The following MCC variants were observed in gnomAD, a reference collection of about 807,000 sequenced individuals.
MCC encodes MCC regulator of Wnt signaling pathway.
MCC carries 90 observed loss-of-function variants against 116.2 expected under a neutral mutation model. The ratio of observed to expected loss-of-function variants is 0.77; its 90% CI spans 0.65 to 0.92. The LOEUF (loss-of-function observed/expected upper bound fraction) is 0.92. Ranked by LOEUF, MCC falls within the 40% of genes least tolerant of loss-of-function variation. The probability of loss-of-function intolerance (pLI) is 0.00; values close to 1 mark genes in which losing one functional copy is unlikely to be tolerated. For synonymous variants in MCC, 578 were observed against 510.5 expected, an observed-to-expected ratio of 1.13 and a Z score of -1.78; for missense variants, 1,516 against 1,312.2, an observed-to-expected ratio of 1.16 and a Z score of -2.40.
chr5:113,023,973 A>G lies in MCC; in HGVS notation c.*3329T>C, dbSNP rs1750347361. 1 of 152,222 alleles carries G rather than the reference A, an allele frequency of 6.6e-6. No individual in the cohort carries two copies. The highest frequency in any genetic ancestry group is 2.1e-4 in the South Asian group (1 of 4,834). 9.4% of individuals were successfully genotyped at this position (152,222 alleles called of 1,614,324 possible). ...ACGGTGCACTTTTTTCTCATTTAAA[A>G]TAATCTAATCTGTATCCAGTTAGGA... On this transcript the variant is annotated 3_prime_UTR_variant, in exon 19 of 19. Transcript: ENST00000408903.
chr5:113,298,132 C>T (rs1766759683), intron 3 of MCC, among the ~76,000 whole-genome samples: 1 of 152,058 alleles, frequency 6.6e-6, no homozygotes, highest in Non-Finnish European at 1.5e-5. Context: ...GAAGAGAGGA[C>T]AGTGAAAAGA....
chr5:113,213,919 G>A (rs1185610660), intron 3 of MCC, among the ~76,000 whole-genome samples: 2 of 152,074 alleles, frequency 1.3e-5, no homozygotes, highest in South Asian at 2.1e-4. Flanking sequence ...TCCCTGCAGG[G>A]TGCATCATTT....
chr5:113,407,765 T>A (rs111631042), intron 1 of MCC, among the ~76,000 whole-genome samples: 1,585 of 152,228 alleles, frequency 0.01, 17 homozygotes, highest in Non-Finnish European at 0.018. Context: ...CCGCATACAT[T>A]AGCTATTTGT....
chr5:113,043,640 G>A lies in MCC; in HGVS notation c.2656-10C>T. The A allele has an allele frequency of 1.9e-6, 3 of 1,595,638 alleles. No homozygotes were observed. The highest frequency in any genetic ancestry group is 1.7e-5 in the Admixed American group (1 of 59,860). On this transcript the variant is annotated splice_polypyrimidine_tract_variant and intron_variant, in intron 16 of 18. Coordinates refer to ENST00000408903, the MANE Select transcript of MCC (RefSeq NM_001085377.2). ...CAGCATCAGCACACTCCTGACAACA[G>A]CAAACACATTCCAGTTAGGCCTGAA...
intron 2 of MCC, among the ~76,000 whole-genome samples, chr5:113,370,572 C>T (rs555667274): frequency 6.6e-6 from 1 of 152,310 alleles, no homozygotes; most frequent in South Asian, 2.1e-4. Flanking sequence ...GAAGCCATCT[C>T]CTCCTCTACT....
intron 2 of MCC, among the ~76,000 whole-genome samples, chr5:113,359,200 A>G (rs1449804068): frequency 6.6e-6 from 1 of 152,182 alleles, no homozygotes; most frequent in African/African-American, 2.4e-5. Flanking sequence ...CGGAATTTCA[A>G]TGTAACATTG....
chr5:113,477,042 A>C (rs1321578145), intron 1 of MCC, among the ~76,000 whole-genome samples: 1 of 152,224 alleles, frequency 6.6e-6, no homozygotes, highest in Non-Finnish European at 1.5e-5. Context: ...AGCAAATAAC[A>C]ATAATTCTGA....
intron 3 of MCC, among the ~76,000 whole-genome samples, chr5:113,224,186 C>A (rs1054528525): frequency 6.6e-6 from 1 of 152,112 alleles, no homozygotes; most frequent in Non-Finnish European, 1.5e-5. Context: ...CCTCCGCCTC[C>A]CAGGTTCAAG....
In MCC at chr5:113,052,754, G is replaced by A. The variant is rs370169236; in HGVS notation, c.2448+971C>T. On this transcript the variant is annotated intron_variant, in intron 15 of 18. Transcript: ENST00000408903. ...GCTTGCTAGACTCCAGTTCCTGACC[G>A]GTCCTAAACTCAATCTCTGGCTCTC... Among the ~76,000 whole-genome samples the A allele has an allele frequency of 5.0e-4, 76 of 152,230 alleles. No homozygotes were observed. The South Asian group carries it at 6.0e-3, about 12-fold the overall frequency.
At position 113,344,027 on chromosome 5, in the gene MCC, C is replaced by G. The variant is rs568454788; in HGVS notation, c.416-3297G>C. On this transcript the variant is annotated intron_variant, in intron 2 of 18. Coordinates refer to ENST00000408903, the MANE Select transcript of MCC (RefSeq NM_001085377.2). ...ACTTCCTCTCACTGAAAGAGGCACT[C>G]AAGAGGTAGGAAAGACCGTCTTGAA... Among the ~76,000 whole-genome samples, 3 of 152,182 alleles carry G rather than the reference C, an allele frequency of 2.0e-5. No individual in the cohort carries two copies. The South Asian group carries it at 6.2e-4, about 32-fold the overall frequency.
chr5:113,436,416 T>A (rs11959532), intron 1 of MCC: 2 of 152,260 alleles, frequency 1.3e-5, no homozygotes, highest in South Asian at 2.1e-4. Context: ...CAGGCCATGA[T>A]AGAAAGTAGG....
In MCC at chr5:113,250,958, T is replaced by C. The variant is rs954002513; in HGVS notation, c.627+89561A>G. ...TAAACTGTCTTGCCTGACAAGGTTC[T>C]CTGTAACAGGTCACACAAAGGATTT... On this transcript the variant is annotated intron_variant, in intron 3 of 18. Coordinates refer to ENST00000408903, the MANE Select transcript of MCC (RefSeq NM_001085377.2). 3.9e-5 allele frequency among the ~76,000 whole-genome samples: 6 copies of C among 152,358 alleles called. No homozygotes were observed. In the South Asian group the frequency reaches 1.2e-3, roughly 32 times the overall value.
At chr5:113,107,804 T>C (rs1756836751) in intron 6 of MCC, among the ~76,000 whole-genome samples, 1 of 152,208 alleles carries the variant, frequency 6.6e-6, no homozygotes, top group Non-Finnish European at 1.5e-5. Context: ...TGAGGGGCTC[T>C]CACAGCAGAG....
chr5:113,038,995 T>A (rs1751503183), intron 17 of MCC, among the ~76,000 whole-genome samples: 1 of 152,076 alleles, frequency 6.6e-6, no homozygotes, highest in South Asian at 2.1e-4. Flanking sequence ...GGTGACTAAA[T>A]GACCGCAGCC....
chr5:113,084,038 A>C, intron 10 of MCC, 63 bp downstream of exon 10: 2 of 1,291,932 alleles, frequency 1.5e-6, no homozygotes. Flanking sequence ...TCTGTCATCT[A>C]TAATCCATTG....
At chr5:113,287,468 A>G (rs1581369346) in intron 3 of MCC, among the ~76,000 whole-genome samples, 1 of 152,038 alleles carries the variant, frequency 6.6e-6, no homozygotes, top group South Asian at 2.1e-4. Context: ...CTGGGATTAC[A>G]AGTGCCCGCC....
At position 113,026,888 on chromosome 5, in the gene MCC, G is replaced by A. The variant is rs1221493730; in HGVS notation, c.*414C>T. On this transcript the variant is annotated 3_prime_UTR_variant, in exon 19 of 19. Transcript: ENST00000408903. ...TTTCCCATGAAGCAGGAGGAAAGAG[G>A]AGAAACGAGATTCTAGAAGATGAGC... 2.5e-5 allele frequency: 4 copies of A among 161,232 alleles called. No homozygotes were observed. Among genetic ancestry groups the A allele is most frequent in the Non-Finnish European group, 5.4e-5 (4 of 74,396 alleles). 10.0% of individuals were successfully genotyped at this position (161,232 alleles called of 1,614,324 possible). A position where few individuals can be genotyped will look rare whatever the true frequency, so the allele number is the denominator to read the frequency against.
intron 14 of MCC, among the ~76,000 whole-genome samples, chr5:113,054,669 C>G (rs1752695597): frequency 6.6e-6 from 1 of 152,174 alleles, no homozygotes; most frequent in African/African-American, 2.4e-5. Flanking sequence ...GAGTAGGGTA[C>G]CCCCTGGCCT....
chr5:113,487,367 G>A (rs1045028221), intron 1 of MCC, among the ~76,000 whole-genome samples: 1 of 152,096 alleles, frequency 6.6e-6, no homozygotes, highest in African/African-American at 2.4e-5. Flanking sequence ...TTCAATGGCC[G>A]GTGTCAACCA....
Sources: gnomAD v4.1 joint callset for allele counts (sites outside exome capture counted in the v4.1 genomes callset) on GRCh38, gnomAD v4.1.1 for gene constraint, MANE v1.5 for transcripts, NCBI Gene and HGNC (gene_info 2026-07-23, HGNC 2026-07-21) for gene names.